CCDC191: variants seen among roughly 807,000 people sequenced by gnomAD.
CCDC191 encodes coiled-coil domain containing 191.
In CCDC191, 99 loss-of-function variants were observed where a neutral mutation model predicts 114.0. That is an observed-to-expected ratio of 0.87 (90% confidence interval 0.74 to 1.03). The LOEUF (loss-of-function observed/expected upper bound fraction) is 1.03. Among genes scored for constraint, CCDC191 ranks in the 50% least tolerant of loss-of-function variants. CCDC191 has a pLI of 0.00. For synonymous variants in CCDC191, 351 were observed against 376.0 expected, an observed-to-expected ratio of 0.93 and a Z score of 0.77; for missense variants, 973 against 1,087.0, an observed-to-expected ratio of 0.90 and a Z score of 1.47.
chr3:113,971,708 C>T (rs1940840224), intron 16 of CCDC191, among the ~76,000 whole-genome samples: 1 of 151,878 alleles, frequency 6.6e-6, no homozygotes, highest in Non-Finnish European at 1.5e-5. Flanking sequence ...TGGAAGTATT[C>T]CCTCCTCTTC....
chr3:113,988,889 G>C (rs963720172), intron 13 of CCDC191, among the ~76,000 whole-genome samples: 5 of 152,002 alleles, frequency 3.3e-5, no homozygotes, highest in African/African-American at 9.7e-5. Context: ...CGCCTCCCGG[G>C]TTCATGCCAT....
At chr3:114,038,454 A>G (rs1198527552) in intron 4 of CCDC191, among the ~76,000 whole-genome samples, 1 of 152,232 alleles carries the variant, frequency 6.6e-6, no homozygotes, top group African/African-American at 2.4e-5. Context: ...AAACAAAACA[A>G]CTACACTAAC....
intron 16 of CCDC191, among the ~76,000 whole-genome samples, chr3:113,972,111 T>G (rs1417929970): frequency 6.6e-6 from 1 of 152,112 alleles, no homozygotes; most frequent in East Asian, 1.9e-4. Context: ...TTTCTTCTAA[T>G]AATTTGGGGT....
At chr3:113,988,518 C>A (rs1230707245) in intron 13 of CCDC191, among the ~76,000 whole-genome samples, 3 of 148,270 alleles carry the variant, frequency 2.0e-5, no homozygotes, top group African/African-American at 7.5e-5. Flanking sequence ...CCCAGCTACT[C>A]AGAAGGCTGA....
chr3:113,978,293 A>G lies in CCDC191; in HGVS notation c.2499T>C (p.Cys833=). 6.2e-7 allele frequency: 1 copy of G among 1,613,990 alleles called. No individual in the cohort carries two copies. Among genetic ancestry groups the G allele is most frequent in the Non-Finnish European group, 8.5e-7 (1 of 1,179,916 alleles). ...IDLQEEVRKF[C]VHFLQKKIFR... Reference sequence around the variant, plus strand: ...AAATCTTCTTTTGAAGAAAATGTACACAAAATTTTCTTACTTCTTCCTGCA... The same window carrying G: ...AAATCTTCTTTTGAAGAAAATGTACGCAAAATTTTCTTACTTCTTCCTGCA... Residue 833 remains cysteine, a synonymous_variant, in exon 16 of 17, where the codon TGT becomes TGC. Transcript: ENST00000295878.
rs565231039 is a variant in CCDC191 at position 113,993,104 on chromosome 3, C to A, written c.2163+8491G>T. Among the ~76,000 whole-genome samples the A allele has an allele frequency of 7.2e-5, 11 of 152,200 alleles. No individual in the cohort carries two copies. In the East Asian group the frequency reaches 1.9e-3, roughly 27 times the overall value. On this transcript the variant is annotated intron_variant, in intron 13 of 16. Coordinates refer to ENST00000295878, the MANE Select transcript of CCDC191 (RefSeq NM_020817.2). ...GAAAAGCATGTGACAAAACTCAACA[C>A]CCTTGCATGATAAAAAAAAATTTCA...
intron 5 of CCDC191, among the ~76,000 whole-genome samples, chr3:114,036,059 A>G (rs1035929686): frequency 2.0e-5 from 3 of 152,222 alleles, no homozygotes; most frequent in South Asian, 2.1e-4. Flanking sequence ...ACTCCTTTAC[A>G]AAGTGTTGAG....
chr3:114,036,106 T>G (rs993228224), intron 5 of CCDC191, among the ~76,000 whole-genome samples: 6 of 152,168 alleles, frequency 3.9e-5, no homozygotes, highest in Non-Finnish European at 7.4e-5. Context: ...CTATTCCCTT[T>G]GGAGAAAAGA....
intron 6 of CCDC191, among the ~76,000 whole-genome samples, chr3:114,032,936 G>A (rs996351464): frequency 6.6e-6 from 1 of 152,076 alleles, no homozygotes; most frequent in African/African-American, 2.4e-5. Flanking sequence ...ATATTACATG[G>A]TTATAGACAG....
chr3:113,986,453 A>C (rs572899222), intron 13 of CCDC191, among the ~76,000 whole-genome samples: 1 of 152,226 alleles, frequency 6.6e-6, no homozygotes, highest in East Asian at 1.9e-4. Context: ...CAAAACACAA[A>C]ATCATATATC....
At chr3:114,031,524 T>A in intron 7 of CCDC191, 102 bp downstream of exon 7, 1 of 981,252 alleles carries the variant, frequency 1.0e-6, no homozygotes, top group Non-Finnish European at 1.6e-6. Context: ...GTATTTGTGA[T>A]GAGGTTCAAC....
intron 13 of CCDC191, among the ~76,000 whole-genome samples, chr3:113,987,034 C>T (rs1577355225): frequency 6.6e-6 from 1 of 151,548 alleles, no homozygotes; most frequent in Non-Finnish European, 1.5e-5. Flanking sequence ...GAATAAGACA[C>T]CCACAAAGAA....
At chr3:113,994,968 T>C (rs910107441) in intron 13 of CCDC191, among the ~76,000 whole-genome samples, 1 of 152,206 alleles carries the variant, frequency 6.6e-6, no homozygotes, top group Non-Finnish European at 1.5e-5. Context: ...GCAGTATCAA[T>C]AGAGGAATAG....
intron 9 of CCDC191, among the ~76,000 whole-genome samples, chr3:114,010,318 G>A (rs1305873967): frequency 6.6e-6 from 1 of 152,132 alleles, no homozygotes; most frequent in Non-Finnish European, 1.5e-5. Flanking sequence ...ATCTATAGAT[G>A]ACAGAATTAT....
chr3:113,988,084 A>G (rs916361147), intron 13 of CCDC191, among the ~76,000 whole-genome samples: 10 of 152,068 alleles, frequency 6.6e-5, no homozygotes, highest in Non-Finnish European at 1.5e-4. Flanking sequence ...AAAACTCCAA[A>G]AAAACACAAT....
intron 16 of CCDC191, among the ~76,000 whole-genome samples, chr3:113,967,141 T>C (rs932836429): frequency 3.3e-5 from 5 of 152,090 alleles, no homozygotes; most frequent in Non-Finnish European, 5.9e-5. Context: ...CTCCAAGGAA[T>C]GGATTTACTT....
At chr3:114,016,845 G>A (rs1156982824) in intron 8 of CCDC191, among the ~76,000 whole-genome samples, 1 of 152,098 alleles carries the variant, frequency 6.6e-6, no homozygotes, top group Non-Finnish European at 1.5e-5. Flanking sequence ...CTCATTTTAT[G>A]CCTGCACTCA....
At chr3:113,989,086 G>C (rs1389054394) in intron 13 of CCDC191, among the ~76,000 whole-genome samples, 2 of 152,142 alleles carry the variant, frequency 1.3e-5, no homozygotes, top group Non-Finnish European at 2.9e-5. Context: ...GTGAGCCACT[G>C]CCCCTGGCCA....
intron 13 of CCDC191, among the ~76,000 whole-genome samples, chr3:113,986,790 C>T (rs1462781033): frequency 1.3e-5 from 2 of 152,106 alleles, no homozygotes; most frequent in South Asian, 2.1e-4. Flanking sequence ...CTTGCTTGCT[C>T]TCTCTCGCAT....
Sources: gnomAD v4.1 joint callset for allele counts (sites outside exome capture counted in the v4.1 genomes callset) on GRCh38, gnomAD v4.1.1 for gene constraint, MANE v1.5 for transcripts, NCBI Gene and HGNC (gene_info 2026-07-23, HGNC 2026-07-21) for gene names.